The following ERC1 variants were observed in gnomAD, a reference collection of about 807,000 sequenced individuals.
The protein encoded by ERC1 is RAB6 interacting protein 2.
A neutral mutation model predicts 132.0 loss-of-function variants in ERC1; 56 were observed. The ratio of observed to expected loss-of-function variants is 0.42; its 90% CI spans 0.34 to 0.53. The LOEUF (loss-of-function observed/expected upper bound fraction) is 0.53. Ranked by LOEUF, ERC1 falls within the 20% of genes least tolerant of loss-of-function variation. The pLI, the probability that ERC1 is intolerant of heterozygous loss-of-function variation, is 0.03. For synonymous variants in ERC1, 478 were observed against 476.1 expected (o/e 1.00, Z -0.05); for missense variants, 1,202 against 1,349.9 (o/e 0.89, Z 1.72).
At chr12:1,070,647 T>C (rs997604662) in intron 2 of ERC1, among the ~76,000 whole-genome samples, 2 of 152,184 alleles carry the variant, frequency 1.3e-5, no homozygotes, top group African/African-American at 4.8e-5. Context: ...TGAATATTTA[T>C]TTATTTTCCC....
intron 2 of ERC1, among the ~76,000 whole-genome samples, chr12:1,075,544 A>G (rs1941198264): frequency 6.6e-6 from 1 of 152,124 alleles, no homozygotes; most frequent in African/African-American, 2.4e-5. Flanking sequence ...TACAAACATT[A>G]GCCAGGCGTG....
chr12:1,051,262 A>G (rs1347237872), intron 2 of ERC1, among the ~76,000 whole-genome samples: 1 of 152,226 alleles, frequency 6.6e-6, no homozygotes, highest in Non-Finnish European at 1.5e-5. Flanking sequence ...CAGGATTTTT[A>G]AAACACTCTC....
In ERC1 at chr12:1,490,359, A is replaced by T. The variant is rs2094306663; in HGVS notation, c.*129A>T. 1 of 882,158 alleles carries T rather than the reference A, an allele frequency of 1.1e-6. No homozygotes were observed. The highest frequency in any genetic ancestry group is 2.7e-5 in the East Asian group (1 of 37,716). The allele number at this position is 882,158 out of a possible 1,614,324, so 54.6% of individuals were successfully genotyped here. A position where few individuals can be genotyped will look rare whatever the true frequency, so the allele number is the denominator to read the frequency against. On this transcript the variant is annotated 3_prime_UTR_variant, in exon 19 of 19. Transcript: ENST00000360905. ...TTCATCCCAACTTGCTCACTTGAAG[A>T]AGTGTGATTCCAGCACCGTTTCTAC...
Position 1,440,396 on chromosome 12 carries a change from C to CG in ERC1, c.3025-4162dup, listed in dbSNP as rs541994907. On this transcript the variant is annotated intron_variant, in intron 17 of 18. Transcript: ENST00000360905. ...ATTTTTTTTGTATTTTTAGTAGAGA[C>CG]GGGGTTTCACCGTGTTAGCCAGGAT... Among the ~76,000 whole-genome samples, 430 of 150,000 alleles carry CG rather than the reference C, an allele frequency of 2.9e-3. 12 individuals carry two copies. In the East Asian group the frequency reaches 0.055, roughly 19 times the overall value.
intron 12 of ERC1, among the ~76,000 whole-genome samples, chr12:1,234,772 G>A (rs770708264): frequency 1.3e-5 from 2 of 152,148 alleles, no homozygotes; most frequent in Non-Finnish European, 2.9e-5. Flanking sequence ...AGGTACACAT[G>A]CATATAGAAA....
intron 15 of ERC1, among the ~76,000 whole-genome samples, chr12:1,316,122 C>T (rs769188260): frequency 3.7e-4 from 56 of 152,100 alleles, no homozygotes; most frequent in Non-Finnish European, 6.8e-4. Context: ...CTCCTGACCT[C>T]GTGATCCACC....
In ERC1 at chr12:1,371,869, C is replaced by T. The variant is rs367850326; in HGVS notation, c.2817C>T (p.Asp939=). 40 of 1,613,840 alleles carry T rather than the reference C, an allele frequency of 2.5e-5. No individual in the cohort carries two copies. The highest frequency in any genetic ancestry group is 1.8e-4 in the East Asian group (8 of 44,900). ...EALLAAISEK[D]ANIALLELSS... is the part of the protein sequence containing the mutation. Reference sequence around the variant, plus strand: ...TTCTGGCTGCCATTAGTGAAAAAGACGCCAATATAGCTCTCTTGGAGCTTT... The same window carrying T: ...TTCTGGCTGCCATTAGTGAAAAAGATGCCAATATAGCTCTCTTGGAGCTTT... The change falls in exon 16 of 19, where the codon GAC becomes GAT. Residue 939 remains aspartate, a synonymous_variant. Transcript: ENST00000360905.
In ERC1 at chr12:1,180,669, G is replaced by T; in HGVS notation, c.1867G>T (p.Ala623Ser). The T allele has an allele frequency of 6.2e-7, 1 of 1,613,982 alleles. No individual in the cohort carries two copies. Among genetic ancestry groups the T allele is most frequent in the Non-Finnish European group, 8.5e-7 (1 of 1,180,014 alleles). Residue 623 changes from alanine (A) to serine (S), a missense_variant, in exon 9 of 19, where the codon GCA (alanine) becomes TCA (serine). Ala to Ser is a moderately conservative substitution (Grantham distance 99, BLOSUM62 1). Transcript: ENST00000360905. ...CTTGACAACTTTGGAGGAGGCCCTT[G>T]CAGAGAAAGTGAGTGGCTGGCCCCA... ...TALTTLEEAL[A>S]EKERTIERLK...
chr12:1,293,811 C>T (rs1415731960), intron 15 of ERC1, among the ~76,000 whole-genome samples: 1 of 152,120 alleles, frequency 6.6e-6, no homozygotes, highest in Non-Finnish European at 1.5e-5. Context: ...AGCATGTTTA[C>T]TCTTCACAAA....
chr12:1,083,162 A>T lies in ERC1; in HGVS notation c.670-2A>T, dbSNP rs772319699. On this transcript the variant is annotated splice_acceptor_variant, in intron 2 of 18. Transcript: ENST00000360905. LOFTEE classifies it high-confidence loss of function. ...GGGGTTTTCTTTTTGTCTTGGTTCTAGCACATGCAGATGACAATCCAGGCT... is the reference window on the plus strand; with the variant it reads ...GGGGTTTTCTTTTTGTCTTGGTTCTTGCACATGCAGATGACAATCCAGGCT... 34 of 1,610,000 alleles carry T rather than the reference A, an allele frequency of 2.1e-5. No individual in the cohort carries two copies. The highest frequency in any genetic ancestry group is 2.9e-5 in the Non-Finnish European group (34 of 1,178,552).
In ERC1 at chr12:1,371,830, C is replaced by T; in HGVS notation, c.2781-3C>T. 2 of 1,611,998 alleles carry T rather than the reference C, an allele frequency of 1.2e-6. No homozygotes were observed. The highest frequency in any genetic ancestry group is 8.5e-7 in the Non-Finnish European group (1 of 1,179,402). ...CGCTGTTGGCATTTGCTTTCTTTTG[C>T]AGGCAAGAAGCTCTTCTGGCTGCCA... On this transcript the variant is annotated splice_region_variant and splice_polypyrimidine_tract_variant and intron_variant, in intron 15 of 18. Transcript: ENST00000360905.
intron 12 of ERC1, among the ~76,000 whole-genome samples, chr12:1,197,619 C>T (rs1956459233): frequency 2.0e-5 from 3 of 152,192 alleles, no homozygotes; most frequent in Admixed American, 6.5e-5. Flanking sequence ...TAATGCTTCT[C>T]TCAGTCTGGA....
chr12:1,195,114 T>G (rs1157166354), intron 12 of ERC1, among the ~76,000 whole-genome samples: 8 of 152,192 alleles, frequency 5.3e-5, no homozygotes, highest in Non-Finnish European at 1.2e-4. Context: ...ACAACAACTT[T>G]GAGGCATAAT....
intron 18 of ERC1, among the ~76,000 whole-genome samples, chr12:1,484,171 A>G (rs747300052): frequency 4.1e-4 from 62 of 151,956 alleles, no homozygotes; most frequent in East Asian, 7.9e-4. Flanking sequence ...CGAGCGTGGT[A>G]GCGGGCACCT....
rs1566399460 is a variant in ERC1, at chr12:1,255,621, C to CTTTTGTTT, written c.2488-7409_2488-7408insGTTTTTTT. Among the ~76,000 whole-genome samples, 42 of 61,558 alleles carry CTTTTGTTT rather than the reference C, an allele frequency of 6.8e-4. 4 individuals carry two copies. The highest frequency in any genetic ancestry group is 2.5e-3 in the African/African-American group (42 of 16,674). 40.4% of individuals were successfully genotyped at this position (61,558 alleles called of 152,430 possible). On this transcript the variant is annotated intron_variant, in intron 13 of 18. Transcript: ENST00000360905. ...TCTTCAGCATCTGTTGCTTCCTGGC[C>CTTTTGTTT]TTTTTTTTTTTTTTTTTTTTTTTTT... is the stretch of plus-strand genomic sequence containing the variant.
At chr12:1,371,478 T>A (rs1389408834) in intron 15 of ERC1, among the ~76,000 whole-genome samples, 1 of 152,138 alleles carries the variant, frequency 6.6e-6, no homozygotes, top group Non-Finnish European at 1.5e-5. Flanking sequence ...ACCCTCAAAA[T>A]GGGGGTACTG....
chr12:1,487,704 G>A (rs1048880572), intron 18 of ERC1, among the ~76,000 whole-genome samples: 3 of 150,544 alleles, frequency 2.0e-5, no homozygotes, highest in African/African-American at 7.3e-5. Context: ...GACAATAGAG[G>A]GAGACCCTGT....
chr12:1,414,162 C>A (rs2091991365), intron 17 of ERC1, among the ~76,000 whole-genome samples: 1 of 152,240 alleles, frequency 6.6e-6, no homozygotes, highest in African/African-American at 2.4e-5. Flanking sequence ...CAGTTCCCAA[C>A]AGGCCACGGA....
intron 7 of ERC1, among the ~76,000 whole-genome samples, chr12:1,129,047 TAA>T (rs1022647920): frequency 7.9e-5 from 12 of 152,218 alleles, no homozygotes; most frequent in Non-Finnish European, 1.8e-4. Flanking sequence ...GAGGCAATCT[TAA>T]GAGAGAATTG....
Sources: allele counts gnomAD v4.1 joint callset (sites outside exome capture counted in the v4.1 genomes callset), GRCh38; gene constraint gnomAD v4.1.1; transcripts MANE v1.5; gene names NCBI Gene and HGNC (gene_info 2026-07-23, HGNC 2026-07-21).